Variants in TMEM209 observed in about 807,000 individuals in gnomAD.
The protein encoded by TMEM209 is testicular tissue protein Li 202.
In TMEM209, 65 loss-of-function variants were observed where a neutral mutation model predicts 76.2. The observed-to-expected ratio is 0.85, with a 90% CI of 0.70 to 1.05. TMEM209 has a LOEUF of 1.05. TMEM209 is among the 50% of genes least tolerant of loss of function. The pLI is 0.00. For missense variants in TMEM209, 623 were observed against 685.5 expected, an observed-to-expected ratio of 0.91 and a Z score of 1.02; for synonymous variants, 239 against 237.6, an observed-to-expected ratio of 1.01 and a Z score of -0.06.
At chr7:130,193,050 A>G (rs547565587) in intron 5 of TMEM209, among the ~76,000 whole-genome samples, 53 of 152,214 alleles carry the variant, frequency 3.5e-4, no homozygotes, top group Non-Finnish European at 2.2e-4. Flanking sequence ...ACAAAAGTAA[A>G]TATTATCTTA....
intron 6 of TMEM209, 63 bp from the exon 7 acceptor site, chr7:130,185,430 CTT>C: frequency 1.4e-6 from 2 of 1,444,490 alleles, no homozygotes; most frequent in Non-Finnish European, 1.9e-6. Context: ...ACAGTTAACA[CTT>C]ATATCTAGGC....
In TMEM209 at chr7:130,170,436, A is replaced by C. The variant is rs1584663659; in HGVS notation, c.1595T>G (p.Leu532Arg). Residue 532 changes from leucine to arginine, a missense_variant, in exon 14 of 15, where the codon CTC (leucine) becomes CGC (arginine). Coordinates refer to ENST00000397622, the MANE Select transcript of TMEM209 (RefSeq NM_032842.4). Reference protein sequence around the residue: ...NNMFHTLLMFLYIIKTKESGM... With the variant: ...NNMFHTLLMFRYIIKTKESGM... ...TGACTCTTTGGTCTTTATGATGTAG[A>C]GAAACATCAACAATGTATGAAACAT... 1 of 1,613,370 alleles carries C rather than the reference A, an allele frequency of 6.2e-7. No homozygotes were observed. Among genetic ancestry groups the C allele is most frequent in the South Asian group, 1.1e-5 (1 of 90,986 alleles).
intron 1 of TMEM209, 99 bp from the exon 2 acceptor site, chr7:130,204,209 T>C: frequency 7.9e-7 from 1 of 1,270,324 alleles, no homozygotes; most frequent in Non-Finnish European, 1.1e-6. Flanking sequence ...TGAAACCGCA[T>C]ATACCTTCTC....
At chr7:130,174,560 C>T (rs1797175085) in intron 11 of TMEM209, among the ~76,000 whole-genome samples, 1 of 152,106 alleles carries the variant, frequency 6.6e-6, no homozygotes, top group Non-Finnish European at 1.5e-5. Flanking sequence ...AGATAAAATA[C>T]ATTCAATTCT....
intron 6 of TMEM209, among the ~76,000 whole-genome samples, chr7:130,185,758 G>C (rs1797577240): frequency 6.6e-6 from 1 of 152,138 alleles, no homozygotes; most frequent in Non-Finnish European, 1.5e-5. Flanking sequence ...CTTTCTAAAA[G>C]GGATAACTAT....
rs767324847 is a variant in TMEM209 at position 130,202,627 on chromosome 7, A to G, written c.236T>C (p.Leu79Ser). The change falls in exon 4 of 15, where the codon TTA becomes TCA. Residue 79 changes from leucine (L) to serine (S), a missense_variant. Physicochemically the swap from Leu to Ser is moderately radical, Grantham distance 145 (BLOSUM62 -2). Transcript: ENST00000397622. ...ALASLFSLNA[L>S]FDFWRYFKYT... Reference sequence around the variant, plus strand: ...TTTGAAATATCTCCAAAAATCAAATAAGGCATTAAGGCTGAAGAGAGATGC... The same window carrying G: ...TTTGAAATATCTCCAAAAATCAAATGAGGCATTAAGGCTGAAGAGAGATGC... The G allele has an allele frequency of 6.2e-7, 1 of 1,613,904 alleles. No individual in the cohort carries two copies. Among genetic ancestry groups the G allele is most frequent in the South Asian group, 1.1e-5 (1 of 91,052 alleles).
At chr7:130,201,642 T>G (rs1288333541) in intron 5 of TMEM209, among the ~76,000 whole-genome samples, 1 of 152,170 alleles carries the variant, frequency 6.6e-6, no homozygotes, top group African/African-American at 2.4e-5. Flanking sequence ...GTGCACTAAG[T>G]TTGTTATCTC....
chr7:130,195,149 A>C (rs534758101), intron 5 of TMEM209, among the ~76,000 whole-genome samples: 49 of 152,306 alleles, frequency 3.2e-4, no homozygotes, highest in African/African-American at 1.1e-3. Flanking sequence ...ATCAATGAGT[A>C]ACTTGCATAA....
Position 130,175,514 on chromosome 7 carries a change from C to G in TMEM209, c.1342G>C (p.Ala448Pro). ...AATGAAAGAATCTAGGGGCTTACAG[C>G]AGAATCGGTGGGCAGGTCTGTATCC... Reference protein sequence around the residue: ...KWDTDLPTDSAIIMHVFCTYL... With the variant: ...KWDTDLPTDSPIIMHVFCTYL... The change falls in exon 11 of 15, where the codon GCT (alanine) becomes CCT (proline). Residue 448 changes from alanine (A) to proline (P), a missense_variant and splice_region_variant. Physicochemically the swap from Ala to Pro is conservative, Grantham distance 27. Transcript: ENST00000397622. The G allele has an allele frequency of 6.2e-7, 1 of 1,611,220 alleles. No homozygotes were observed. The highest frequency in any genetic ancestry group is 8.5e-7 in the Non-Finnish European group (1 of 1,178,656).
At chr7:130,183,647 A>G (rs1480933363) in intron 8 of TMEM209, among the ~76,000 whole-genome samples, 8 of 152,222 alleles carry the variant, frequency 5.3e-5, no homozygotes, top group African/African-American at 1.9e-4. Flanking sequence ...CAGAACACAC[A>G]GGTACTAGAG....
At chr7:130,199,276 C>T (rs1282681632) in intron 5 of TMEM209, among the ~76,000 whole-genome samples, 2 of 151,644 alleles carry the variant, frequency 1.3e-5, no homozygotes, top group South Asian at 2.1e-4. Context: ...TGGAGTGCAG[C>T]GAGCCATCTC....
At chr7:130,178,618 G>A in intron 9 of TMEM209, 91 bp from the exon 10 acceptor site, 1 of 1,466,512 alleles carries the variant, frequency 6.8e-7, no homozygotes, top group Non-Finnish European at 9.3e-7. Context: ...TCATACAGCT[G>A]GTTCCTCACT....
intron 5 of TMEM209, among the ~76,000 whole-genome samples, chr7:130,199,692 T>A (rs552011990): frequency 6.6e-6 from 1 of 151,458 alleles, no homozygotes; most frequent in South Asian, 2.1e-4. Context: ...AAAGGGAGAG[T>A]TAACATAAGA....
intron 6 of TMEM209, among the ~76,000 whole-genome samples, chr7:130,191,338 A>T (rs1267296101): frequency 6.6e-6 from 1 of 151,940 alleles, no homozygotes; most frequent in Admixed American, 6.6e-5. Flanking sequence ...TTGCAAGAAA[A>T]CATTTAATGG....
At chr7:130,180,805 C>T (rs931550824) in intron 9 of TMEM209, among the ~76,000 whole-genome samples, 11 of 152,142 alleles carry the variant, frequency 7.2e-5, no homozygotes, top group Non-Finnish European at 1.6e-4. Flanking sequence ...GACTATAAAA[C>T]ATATGACAAG....
chr7:130,176,770 C>T (rs534410301), intron 10 of TMEM209, among the ~76,000 whole-genome samples: 284 of 152,146 alleles, frequency 1.9e-3, no homozygotes, highest in Non-Finnish European at 2.4e-3. Context: ...ATATTTGAAT[C>T]CCAATTCAAA....
intron 6 of TMEM209, among the ~76,000 whole-genome samples, chr7:130,188,392 C>G (rs374843812): frequency 9.9e-5 from 15 of 152,056 alleles, no homozygotes; most frequent in Middle Eastern, 3.4e-3. Flanking sequence ...GTCAGGAGAT[C>G]GAGACCATCC....
rs933137889 is a variant in TMEM209, at chr7:130,192,197, T to C, written c.775+425A>G. The C allele has an allele frequency of 1.7e-5, 3 of 172,480 alleles. No homozygotes were observed. The East Asian group carries it at 4.6e-4, about 26-fold the overall frequency. 10.7% of individuals were successfully genotyped at this position (172,480 alleles called of 1,614,324 possible). A position where few individuals can be genotyped will look rare whatever the true frequency, so the allele number is the denominator to read the frequency against. ...TCAGGAAATACTAAAACGCAAGTTT[T>C]AAAATGTTATGAAAAACAGCAGCGC... On this transcript the variant is annotated intron_variant, in intron 6 of 14. Transcript: ENST00000397622.
chr7:130,202,427 GCTGATGTC>G, intron 4 of TMEM209, 97 bp downstream of exon 4: 1 of 1,430,924 alleles, frequency 7.0e-7, no homozygotes, highest in Non-Finnish European at 9.4e-7. Flanking sequence ...GCTTAAGATA[GCTGATGTC>G]CCTTCCAGCT....
Sources: allele counts gnomAD v4.1 joint callset (sites outside exome capture counted in the v4.1 genomes callset), GRCh38; gene constraint gnomAD v4.1.1; transcripts MANE v1.5; gene names NCBI Gene and HGNC (gene_info 2026-07-23, HGNC 2026-07-21).